The following UNC13C variants were observed in gnomAD, a reference collection of about 807,000 sequenced individuals.
The protein encoded by UNC13C is unc-13 homolog C, also known as protein unc-13 homolog C.
Under a neutral mutation model 245.4 loss-of-function variants are expected in UNC13C, and 174 were observed. That is an observed-to-expected ratio of 0.71 (90% CI 0.63 to 0.80). The LOEUF (loss-of-function observed/expected upper bound fraction) is 0.80, where lower values mean the gene tolerates loss of function less well. Among genes scored for constraint, UNC13C ranks in the 30% least tolerant of loss-of-function variants. The pLI is 0.00. For missense variants in UNC13C, 2,829 were observed against 2,602.9 expected, an observed-to-expected ratio of 1.09 and a Z score of -1.89; for synonymous variants, 992 against 895.1, an observed-to-expected ratio of 1.11 and a Z score of -1.93.
Position 54,265,451 on chromosome 15 carries a change from C to T in UNC13C, c.3773C>T (p.Thr1258Ile). The change falls in exon 10 of 33, where the codon ACC becomes ATC. Residue 1258 changes from threonine (T) to isoleucine (I), a missense_variant. By Grantham distance (89) the Thr-to-Ile change is moderately conservative (BLOSUM62 -1). Coordinates refer to ENST00000260323, the MANE Select transcript of UNC13C (RefSeq NM_001080534.3). ...QVGKNKRRTK[T>I]IFGNLNPVWD... Reference sequence around the variant, plus strand: ...GGAAAGAACAAAAGAAGAACAAAAACCATTTTTGGAAATTTGAATCCAGTA... The same window carrying T: ...GGAAAGAACAAAAGAAGAACAAAAATCATTTTTGGAAATTTGAATCCAGTA... 1 of 1,567,294 alleles carries T rather than the reference C, an allele frequency of 6.4e-7. No individual in the cohort carries two copies. Among genetic ancestry groups the T allele is most frequent in the Non-Finnish European group, 8.7e-7 (1 of 1,153,504 alleles).
chr15:53,995,240 A>G (rs1022453038), intron 1 of UNC13C, among the ~76,000 whole-genome samples: 1 of 152,050 alleles, frequency 6.6e-6, no homozygotes, highest in Admixed American at 6.6e-5. Flanking sequence ...AAGAAAGGGG[A>G]AAAAAAGTCT....
chr15:54,314,065 GT>G (rs2140967668), intron 13 of UNC13C, among the ~76,000 whole-genome samples: 1 of 141,056 alleles, frequency 7.1e-6, no homozygotes, highest in South Asian at 2.3e-4. Context: ...TCACTTATAT[GT>G]GGCATCAAAA....
chr15:53,893,308 C>G, the UNC13C span, among the ~76,000 whole-genome samples: 1 of 152,332 alleles, frequency 6.6e-6, no homozygotes, highest in Middle Eastern at 3.4e-3. Context: ...TGGGAGTTAT[C>G]TCCCAGTCAG....
intron 4 of UNC13C, among the ~76,000 whole-genome samples, chr15:54,191,026 T>A (rs544432117): frequency 2.3e-4 from 35 of 152,148 alleles, no homozygotes; most frequent in Admixed American, 9.2e-4. Flanking sequence ...GTTCCTCAAT[T>A]TTTTAGTTTA....
intron 19 of UNC13C, among the ~76,000 whole-genome samples, chr15:54,455,205 C>CTCTCTCTCTCTATA (rs1388065398): frequency 5.3e-4 from 10 of 18,960 alleles, no homozygotes; most frequent in Non-Finnish European, 7.4e-4. Flanking sequence ...CTCTCTCTCT[C>CTCTCTCTCTCTATA]TATATATATA....
intron 13 of UNC13C, among the ~76,000 whole-genome samples, chr15:54,317,135 T>A (rs1355371424): frequency 6.6e-6 from 1 of 151,974 alleles, no homozygotes; most frequent in African/African-American, 2.4e-5. Context: ...TTTTCATAGA[T>A]GAATGTATTA....
chr15:53,954,281 A>G, the UNC13C span, among the ~76,000 whole-genome samples: 1 of 152,204 alleles, frequency 6.6e-6, no homozygotes, highest in Non-Finnish European at 1.5e-5. Flanking sequence ...TATTTGTCCC[A>G]CTAGAGTGTG....
chr15:53,988,693 ATTGT>A (rs1338413464), intron 1 of UNC13C, among the ~76,000 whole-genome samples: 1 of 151,962 alleles, frequency 6.6e-6, no homozygotes, highest in Non-Finnish European at 1.5e-5. Flanking sequence ...GGGCAGGGCT[ATTGT>A]TGGGTCTGAA....
intron 24 of UNC13C, 119 bp downstream of exon 24, chr15:54,511,949 GATA>G: frequency 1.4e-6 from 1 of 704,646 alleles, no homozygotes; most frequent in African/African-American, 1.8e-5. Flanking sequence ...AACAGGAAAT[GATA>G]ATAATCTCAA....
At position 54,568,710 on chromosome 15, in the gene UNC13C, T is replaced by C. The variant is rs145234245; in HGVS notation, c.6106+763T>C. On this transcript the variant is annotated intron_variant, in intron 30 of 32. Transcript: ENST00000260323. ...AATAAAAGTTATACTACAGAAATAA[T>C]AAAAGTAAGTAAGAAGACACTAACT... is the stretch of plus-strand genomic sequence containing the variant. Among the ~76,000 whole-genome samples, 189 of 152,176 alleles carry C rather than the reference T, an allele frequency of 1.2e-3. 1 individual carries two copies. The highest frequency in any genetic ancestry group is 4.3e-3 in the African/African-American group (179 of 41,548).
intron 30 of UNC13C, among the ~76,000 whole-genome samples, chr15:54,582,052 AGAAG>A (rs1036078948): frequency 2.8e-4 from 42 of 152,072 alleles, no homozygotes; most frequent in African/African-American, 9.9e-4. Context: ...AGAGAAGGAA[AGAAG>A]GAAGGAATTA....
chr15:54,186,074 C>G (rs2033972157), intron 4 of UNC13C, among the ~76,000 whole-genome samples: 1 of 151,526 alleles, frequency 6.6e-6, no homozygotes, highest in Non-Finnish European at 1.5e-5. Context: ...CTCTGTTTGT[C>G]TGTTATTGGT....
the UNC13C span, chr15:53,912,989 G>A: frequency 6.6e-6 from 1 of 152,148 alleles, no homozygotes; most frequent in Non-Finnish European, 1.5e-5. Flanking sequence ...ACTTTGTGAT[G>A]GGACTTGGCT....
intron 8 of UNC13C, among the ~76,000 whole-genome samples, chr15:54,259,584 ATACGTGGGAAT>A (rs1271634046): frequency 1.3e-5 from 2 of 152,232 alleles, no homozygotes; most frequent in Non-Finnish European, 2.9e-5. Flanking sequence ...ACCTCCCACA[ATACGTGGGAAT>A]TATGGGAGCT....
the UNC13C span, among the ~76,000 whole-genome samples, chr15:53,853,125 G>A: frequency 4.6e-5 from 7 of 151,996 alleles, no homozygotes; most frequent in Non-Finnish European, 1.0e-4. Context: ...CATCATCTAG[G>A]TATTAAGCCC....
At chr15:54,180,904 A>T (rs953143341) in intron 4 of UNC13C, among the ~76,000 whole-genome samples, 11 of 151,828 alleles carry the variant, frequency 7.2e-5, no homozygotes, top group African/African-American at 2.7e-4. Context: ...CATTTGTTGG[A>T]TGTGTAGTTT....
chr15:54,216,501 A>G (rs2035043129), intron 4 of UNC13C, among the ~76,000 whole-genome samples: 1 of 151,900 alleles, frequency 6.6e-6, no homozygotes, highest in Non-Finnish European at 1.5e-5. Flanking sequence ...AACTTTTAAA[A>G]AATCGTTTAT....
intron 16 of UNC13C, among the ~76,000 whole-genome samples, chr15:54,338,127 A>G (rs2038637664): frequency 6.6e-6 from 1 of 152,194 alleles, no homozygotes. Flanking sequence ...ATGAAGTACT[A>G]ACTGGTCACG....
the UNC13C span, chr15:53,967,963 T>C: frequency 2.0e-5 from 3 of 152,204 alleles, no homozygotes; most frequent in Admixed American, 2.0e-4. Context: ...ATATTTTGTA[T>C]CTTTAGCTTG....
Sources: allele counts gnomAD v4.1 joint callset (sites outside exome capture counted in the v4.1 genomes callset), GRCh38; gene constraint gnomAD v4.1.1; transcripts MANE v1.5; gene names NCBI Gene and HGNC (gene_info 2026-07-23, HGNC 2026-07-21).